Variants in GRIN3A observed in about 807,000 individuals in gnomAD.
GRIN3A encodes the protein glutamate receptor ionotropic, NMDA 3A.
In GRIN3A, 47 loss-of-function variants were observed where a neutral mutation model predicts 92.4. That is an observed-to-expected ratio of 0.51 (90% CI 0.40 to 0.65). The LOEUF (loss-of-function observed/expected upper bound fraction) is 0.65, where lower values mean the gene tolerates loss of function less well. Ranked by LOEUF, GRIN3A falls within the 30% of genes least tolerant of loss-of-function variation. The pLI is 0.00. For missense variants in GRIN3A, 1,324 were observed against 1,393.1 expected, an observed-to-expected ratio of 0.95 and a Z score of 0.79; for synonymous variants, 527 against 540.6, an observed-to-expected ratio of 0.97 and a Z score of 0.35.
In GRIN3A at chr9:101,570,781, A is replaced by T. The variant is rs561155049; in HGVS notation, c.*2393T>A. 1 of 152,782 alleles carries T rather than the reference A, an allele frequency of 6.5e-6. No individual in the cohort carries two copies. The highest frequency in any genetic ancestry group is 6.5e-5 in the Admixed American group (1 of 15,306). The allele number at this position is 152,782 out of a possible 1,614,324, so 9.5% of individuals were successfully genotyped here. A position where few individuals can be genotyped will look rare whatever the true frequency, so the allele number is the denominator to read the frequency against. On this transcript the variant is annotated 3_prime_UTR_variant, in exon 9 of 9. Transcript: ENST00000361820. ...GTAAATCCGATATACAAAAATGCAG[A>T]CTTACAAAACAGATACATTAAGGGA...
chr9:101,583,844 C>G (rs534424670), intron 6 of GRIN3A, among the ~76,000 whole-genome samples: 2 of 152,214 alleles, frequency 1.3e-5, no homozygotes, highest in Admixed American at 6.5e-5. Context: ...AGAAGGCTGT[C>G]ACAGGATTGA....
intron 3 of GRIN3A, among the ~76,000 whole-genome samples, chr9:101,658,593 G>T (rs1829122507): frequency 6.6e-6 from 1 of 151,594 alleles, no homozygotes; most frequent in South Asian, 2.1e-4. Context: ...AAAATTTTCT[G>T]TTTTTTGGCA....
chr9:101,640,711 T>A (rs1205262243), intron 3 of GRIN3A, among the ~76,000 whole-genome samples: 1 of 152,104 alleles, frequency 6.6e-6, no homozygotes, highest in Admixed American at 6.5e-5. Context: ...TCACTTGCTG[T>A]TCTTGTGATA....
In GRIN3A at chr9:101,674,205, G is replaced by T. The variant is rs538329075; in HGVS notation, c.1305-3098C>A. Among the ~76,000 whole-genome samples, 7 of 152,178 alleles carry T rather than the reference G, an allele frequency of 4.6e-5. No homozygotes were observed. The South Asian group carries it at 1.5e-3, about 32-fold the overall frequency. Reference sequence around the variant, plus strand: ...AGGCTACAGTGAAGACAACAAGGAGGCATTGAGGGGAATTTGTCTGGGGGG... The same window carrying T: ...AGGCTACAGTGAAGACAACAAGGAGTCATTGAGGGGAATTTGTCTGGGGGG... On this transcript the variant is annotated intron_variant, in intron 2 of 8. Coordinates refer to ENST00000361820, the MANE Select transcript of GRIN3A (RefSeq NM_133445.3).
intron 6 of GRIN3A, among the ~76,000 whole-genome samples, chr9:101,600,600 T>C (rs1828198331): frequency 6.6e-6 from 1 of 152,080 alleles, no homozygotes; most frequent in Non-Finnish European, 1.5e-5. Context: ...AGAAGTTAAC[T>C]AGATGTTCTG....
In GRIN3A at chr9:101,654,244, T is replaced by G. The variant is rs951318249; in HGVS notation, c.2352+15816A>C. Among the ~76,000 whole-genome samples, 16 of 151,362 alleles carry G rather than the reference T, an allele frequency of 1.1e-4. No homozygotes were observed. The Admixed American group carries it at 1.1e-3, about 10-fold the overall frequency. On this transcript the variant is annotated intron_variant, in intron 3 of 8. Coordinates refer to ENST00000361820, the MANE Select transcript of GRIN3A (RefSeq NM_133445.3). Reference sequence around the variant, plus strand: ...GCATTTTATAGAAAATGGCTTTATGTTTTATCATTACAAATTCTGCTCTGG... The same window carrying G: ...GCATTTTATAGAAAATGGCTTTATGGTTTATCATTACAAATTCTGCTCTGG...
intron 2 of GRIN3A, among the ~76,000 whole-genome samples, chr9:101,672,885 A>G (rs1213449283): frequency 6.6e-6 from 1 of 152,166 alleles, no homozygotes; most frequent in African/African-American, 2.4e-5. Flanking sequence ...GCTTCTTTAG[A>G]GAAGGAGCCA....
intron 6 of GRIN3A, among the ~76,000 whole-genome samples, chr9:101,583,247 C>T (rs1346847244): frequency 6.6e-6 from 1 of 152,176 alleles, no homozygotes. Flanking sequence ...TTATAGGTAT[C>T]CTTTTCTAGT....
chr9:101,631,652 T>C (rs1324644743), intron 3 of GRIN3A, among the ~76,000 whole-genome samples: 2 of 152,156 alleles, frequency 1.3e-5, no homozygotes, highest in South Asian at 2.1e-4. Context: ...TGCATGACTT[T>C]CTGTTGTATT....
chr9:101,626,636 T>G (rs1828637950), intron 4 of GRIN3A, among the ~76,000 whole-genome samples: 1 of 152,220 alleles, frequency 6.6e-6, no homozygotes, highest in Non-Finnish European at 1.5e-5. Context: ...ATGAAGATTC[T>G]GATGCAGTAA....
At chr9:101,664,835 CA>C (rs1309016751) in intron 3 of GRIN3A, among the ~76,000 whole-genome samples, 1 of 151,850 alleles carries the variant, frequency 6.6e-6, no homozygotes, top group East Asian at 1.9e-4. Flanking sequence ...GCATTCTAAA[CA>C]ATTAGGATCA....
intron 2 of GRIN3A, among the ~76,000 whole-genome samples, chr9:101,683,110 G>C (rs1829483811): frequency 6.6e-6 from 1 of 152,200 alleles, no homozygotes. Flanking sequence ...TCTGGCATGT[G>C]GGGACCTAGG....
chr9:101,731,466 A>G (rs539112290), intron 1 of GRIN3A, among the ~76,000 whole-genome samples: 1 of 152,356 alleles, frequency 6.6e-6, no homozygotes, highest in Non-Finnish European at 1.5e-5. Context: ...TCCTAAATCT[A>G]TGCTTCAAAT....
At chr9:101,644,437 C>A in intron 3 of GRIN3A, among the ~76,000 whole-genome samples, 1 of 146,248 alleles carries the variant, frequency 6.8e-6, no homozygotes, top group Non-Finnish European at 1.5e-5. Context: ...AGTTCCTGGC[C>A]CCTTGAAATT....
intron 1 of GRIN3A, among the ~76,000 whole-genome samples, chr9:101,724,385 G>A (rs375323071): frequency 2.0e-5 from 3 of 152,106 alleles, no homozygotes; most frequent in Non-Finnish European, 4.4e-5. Context: ...GCCCAGGGCC[G>A]GCAGGGCCGG....
At chr9:101,658,261 A>G (rs1829117230) in intron 3 of GRIN3A, among the ~76,000 whole-genome samples, 1 of 152,028 alleles carries the variant, frequency 6.6e-6, no homozygotes, top group South Asian at 2.1e-4. Context: ...CAGATAGCAT[A>G]GTCCCTAGAC....
chr9:101,601,507 T>C (rs1828210446), intron 6 of GRIN3A, among the ~76,000 whole-genome samples: 1 of 152,154 alleles, frequency 6.6e-6, no homozygotes, highest in South Asian at 2.1e-4. Context: ...GTATTAATTA[T>C]TTTGCAAGAG....
intron 5 of GRIN3A, among the ~76,000 whole-genome samples, chr9:101,616,459 T>A (rs1196199781): frequency 6.6e-6 from 1 of 152,190 alleles, no homozygotes. Flanking sequence ...GCTCTTTGAA[T>A]GGAAAATTCT....
At chr9:101,577,307 G>A (rs935369766) in intron 8 of GRIN3A, among the ~76,000 whole-genome samples, 1 of 152,058 alleles carries the variant, frequency 6.6e-6, no homozygotes, top group African/African-American at 2.4e-5. Context: ...ATTGCCTGCG[G>A]TATTCATTAA....
Sources: allele counts gnomAD v4.1 joint callset (sites outside exome capture counted in the v4.1 genomes callset), GRCh38; gene constraint gnomAD v4.1.1; transcripts MANE v1.5; gene names NCBI Gene and HGNC (gene_info 2026-07-23, HGNC 2026-07-21).